Variants in KIAA1328 observed in about 807,000 individuals in gnomAD.
KIAA1328 encodes protein hinderin.
Under a neutral mutation model 68.1 loss-of-function variants are expected in KIAA1328, and 52 were observed. That is an observed-to-expected ratio of 0.76 (90% CI 0.61 to 0.96). The LOEUF is 0.96. KIAA1328 is among the 40% of genes least tolerant of loss of function. The pLI is 0.00. For missense variants in KIAA1328, 641 were observed against 677.6 expected, an observed-to-expected ratio of 0.95 and a Z score of 0.60; for synonymous variants, 232 against 239.4, an observed-to-expected ratio of 0.97 and a Z score of 0.28.
intron 6 of KIAA1328, among the ~76,000 whole-genome samples, chr18:36,992,451 C>CTTTTTTTTTTTTTTCTTTTTTTTT (rs2053219423): frequency 7.7e-6 from 1 of 130,100 alleles, no homozygotes; most frequent in African/African-American, 3.5e-5. Context: ...TCTTTTCTTT[C>CTTTTTTTTTTTTTTCTTTTTTTTT]TTTTTTTTTT....
intron 7 of KIAA1328, among the ~76,000 whole-genome samples, chr18:37,143,095 C>T (rs2058808764): frequency 6.6e-6 from 1 of 152,032 alleles, no homozygotes; most frequent in African/African-American, 2.4e-5. Flanking sequence ...GCTGGGATTA[C>T]AGGCATGTGC....
At chr18:36,831,266 A>G (rs1283052079) in intron 1 of KIAA1328, among the ~76,000 whole-genome samples, 1 of 152,300 alleles carries the variant, frequency 6.6e-6, no homozygotes, top group East Asian at 1.9e-4. Flanking sequence ...TGATGTTTCC[A>G]TCATGAGAGG....
At chr18:37,125,712 T>C (rs2058373390) in intron 7 of KIAA1328, among the ~76,000 whole-genome samples, 1 of 152,166 alleles carries the variant, frequency 6.6e-6, no homozygotes, top group Non-Finnish European at 1.5e-5. Context: ...TACAGATTGG[T>C]CATCCCTAAT....
intron 4 of KIAA1328, among the ~76,000 whole-genome samples, chr18:36,880,507 A>T (rs529420164): frequency 6.6e-6 from 1 of 152,266 alleles, no homozygotes; most frequent in Non-Finnish European, 1.5e-5. Context: ...GTATACAATC[A>T]TGTCACCAGC....
chr18:36,910,267 A>T (rs1292203738), intron 5 of KIAA1328, among the ~76,000 whole-genome samples: 1 of 152,136 alleles, frequency 6.6e-6, no homozygotes, highest in Non-Finnish European at 1.5e-5. Flanking sequence ...CTAACATTTA[A>T]GTCTTTAATC....
At chr18:36,938,064 G>C (rs1457936033) in intron 5 of KIAA1328, among the ~76,000 whole-genome samples, 2 of 152,116 alleles carry the variant, frequency 1.3e-5, no homozygotes, top group African/African-American at 4.8e-5. Context: ...ATAAACATGG[G>C]TGTGCAGGTG....
chr18:36,928,234 G>T (rs1398075704), intron 5 of KIAA1328, among the ~76,000 whole-genome samples: 1 of 152,126 alleles, frequency 6.6e-6, no homozygotes, highest in Non-Finnish European at 1.5e-5. Context: ...GCTGTCTATG[G>T]TGCCTTATTG....
At chr18:36,961,119 A>T (rs764255693) in intron 6 of KIAA1328, among the ~76,000 whole-genome samples, 1 of 152,228 alleles carries the variant, frequency 6.6e-6, no homozygotes, top group Non-Finnish European at 1.5e-5. Flanking sequence ...AGAAGAACTT[A>T]AATGACCTGA....
intron 4 of KIAA1328, among the ~76,000 whole-genome samples, chr18:36,880,611 G>GA (rs1427255484): frequency 6.6e-6 from 1 of 152,132 alleles, no homozygotes; most frequent in Non-Finnish European, 1.5e-5. Flanking sequence ...GAACAGAGGG[G>GA]ATATAGTAAT....
chr18:36,998,696 C>G (rs1392844608), intron 6 of KIAA1328, among the ~76,000 whole-genome samples: 1 of 152,164 alleles, frequency 6.6e-6, no homozygotes, highest in African/African-American at 2.4e-5. Context: ...AGAAATCATA[C>G]AGAGACTACA....
intron 5 of KIAA1328, chr18:36,895,902 G>A (rs2048853042): frequency 2.7e-6 from 1 of 376,114 alleles, no homozygotes; most frequent in Non-Finnish European, 5.4e-6. Context: ...ACAGCAAGAA[G>A]GTAGAAGCCT....
At chr18:37,160,433 T>C (rs1000140902) in intron 8 of KIAA1328, 52 bp downstream of exon 8, 1 of 1,494,362 alleles carries the variant, frequency 6.7e-7, no homozygotes, top group South Asian at 1.3e-5. Context: ...GGGAAGGTAG[T>C]TGCTAGCCAA....
intron 5 of KIAA1328, among the ~76,000 whole-genome samples, chr18:36,888,798 A>G (rs1156961534): frequency 6.6e-6 from 1 of 152,158 alleles, no homozygotes; most frequent in Admixed American, 6.5e-5. Context: ...TTAAAATAAT[A>G]TAATTTTAAC....
intron 5 of KIAA1328, among the ~76,000 whole-genome samples, chr18:36,915,172 G>T (rs2049638255): frequency 6.6e-6 from 1 of 152,138 alleles, no homozygotes; most frequent in Non-Finnish European, 1.5e-5. Flanking sequence ...GTACAGTACT[G>T]GTGAAAGGAC....
intron 6 of KIAA1328, among the ~76,000 whole-genome samples, chr18:37,057,340 T>C (rs1434024037): frequency 6.6e-6 from 1 of 152,128 alleles, no homozygotes; most frequent in East Asian, 1.9e-4. Context: ...TTTTACTTCT[T>C]AGCCATTTAA....
chr18:37,044,153 G>A (rs142269361), intron 6 of KIAA1328, among the ~76,000 whole-genome samples: 1 of 152,228 alleles, frequency 6.6e-6, no homozygotes, highest in Admixed American at 6.5e-5. Context: ...TTGGGGTTGA[G>A]GGAATTCCTA....
At chr18:37,010,220 G>A (rs573524212) in intron 6 of KIAA1328, among the ~76,000 whole-genome samples, 4 of 151,888 alleles carry the variant, frequency 2.6e-5, no homozygotes, top group South Asian at 2.1e-4. Context: ...CGAGGCGGGC[G>A]GATCACAAGG....
chr18:37,004,965 G>A (rs2053724733), intron 6 of KIAA1328, among the ~76,000 whole-genome samples: 1 of 152,088 alleles, frequency 6.6e-6, no homozygotes, highest in Non-Finnish European at 1.5e-5. Flanking sequence ...GGATGGAACT[G>A]GAGACTATTG....
chr18:36,936,813 G>A (rs1293662171), intron 5 of KIAA1328, among the ~76,000 whole-genome samples: 2 of 152,094 alleles, frequency 1.3e-5, no homozygotes, highest in Admixed American at 1.3e-4. Flanking sequence ...CATTCTGACT[G>A]GCATGAGATG....
Sources: allele counts gnomAD v4.1 joint callset (sites outside exome capture counted in the v4.1 genomes callset), GRCh38; gene constraint gnomAD v4.1.1; transcripts MANE v1.5; gene names NCBI Gene and HGNC (gene_info 2026-07-23, HGNC 2026-07-21).